PZP: variants seen among roughly 807,000 people sequenced by gnomAD.
PZP encodes pregnancy zone protein.
Under a neutral mutation model 179.8 loss-of-function variants are expected in PZP, and 150 were observed. The ratio of observed to expected loss-of-function variants is 0.83; its 90% CI spans 0.73 to 0.96. PZP has a LOEUF of 0.96. Among genes scored for constraint, PZP ranks in the 40% least tolerant of loss-of-function variants. The probability of loss-of-function intolerance (pLI) is 0.00; values close to 1 mark genes in which losing one functional copy is unlikely to be tolerated. For synonymous variants in PZP, 624 were observed against 652.3 expected, an observed-to-expected ratio of 0.96 and a Z score of 0.66; for missense variants, 1,689 against 1,764.0, an observed-to-expected ratio of 0.96 and a Z score of 0.76.
chr12:9,182,463 T>TG (rs1270649959), intron 13 of PZP, among the ~76,000 whole-genome samples: 1 of 152,190 alleles, frequency 6.6e-6, no homozygotes, highest in African/African-American at 2.4e-5. Flanking sequence ...AGACTAGAGG[T>TG]GATTCTCAAT....
In PZP at chr12:9,200,364, T is replaced by C; in HGVS notation, c.755A>G (p.Glu252Gly). Residue 252 changes from glutamate to glycine, a missense_variant and splice_region_variant, in exon 7 of 36, where the codon GAA becomes GGA. Around this residue, in one of 3 missense-constraint regions of PZP, gnomAD observed 742 missense variants for 730.5 expected, o/e 1.02. Transcript: ENST00000261336. ...TTTAGATAAAAACAATGTAACTCAC[T>C]CTCCACAGACTGTTATGTTCACTTT... is the stretch of plus-strand genomic sequence containing the variant. ...DEKVNITVCG[E>G]YTYGKPVPGL... 1 of 1,590,388 alleles carries C rather than the reference T, an allele frequency of 6.3e-7. No homozygotes were observed. Among genetic ancestry groups the C allele is most frequent in the Non-Finnish European group, 8.6e-7 (1 of 1,161,902 alleles).
chr12:9,191,481 CTG>C (rs1358623261), intron 13 of PZP, among the ~76,000 whole-genome samples: 1 of 151,822 alleles, frequency 6.6e-6, no homozygotes, highest in Non-Finnish European at 1.5e-5. Context: ...ATTTTCAAAA[CTG>C]AAAAATAAAA....
intron 15 of PZP, among the ~76,000 whole-genome samples, chr12:9,177,926 A>G (rs185621171): frequency 4.7e-4 from 71 of 152,356 alleles, no homozygotes; most frequent in African/African-American, 1.7e-3. Context: ...GTGTAAAAAT[A>G]TCAGGCATAT....
rs116229466 is a variant in PZP at position 9,168,265 on chromosome 12, C to T, written c.2107+604G>A. 6.8e-3 allele frequency among the ~76,000 whole-genome samples: 1,040 copies of T among 152,200 alleles called. 12 individuals carry two copies. The highest frequency in any genetic ancestry group is 0.024 in the African/African-American group (983 of 41,504). ...ACATATAGGATATCTGATTTCCAAT[C>T]CGAGCATATAAATATTTGTGAGCAG... On this transcript the variant is annotated intron_variant, in intron 17 of 35. Coordinates refer to ENST00000261336, the MANE Select transcript of PZP (RefSeq NM_002864.3).
At chr12:9,199,320 A>G (rs1839986292) in intron 7 of PZP, among the ~76,000 whole-genome samples, 2 of 152,120 alleles carry the variant, frequency 1.3e-5, no homozygotes, top group Non-Finnish European at 2.9e-5. Context: ...TTTTTAGTCC[A>G]TCGTATCAGC....
In PZP at chr12:9,202,582, T is replaced by G; in HGVS notation, c.370A>C (p.Thr124Pro). 6.2e-7 allele frequency: 1 copy of G among 1,614,146 alleles called. No homozygotes were observed. Among genetic ancestry groups the G allele is most frequent in the Non-Finnish European group, 8.5e-7 (1 of 1,180,006 alleles). Residue 124 changes from threonine (T) to proline (P), a missense_variant, in exon 3 of 36, where the codon ACC becomes CCC. Coordinates refer to ENST00000261336, the MANE Select transcript of PZP (RefSeq NM_002864.3). ...GTCTGGACAAAGACCAGACTTTGGG[T>G]GTTCAGTACCAGAACTGTGTTCCTC... ...RKRNTVLVLN[T>P]QSLVFVQTDK...
rs545285881 is a variant in PZP at position 9,162,032 on chromosome 12, G to A, written c.2788+565C>T. On this transcript the variant is annotated intron_variant, in intron 22 of 35. Transcript: ENST00000261336. ...GTTGGAGCGCAGTGGTGTGATTTCGGCTCACTGCAACCTCCCCCTGCCCGG... is the reference window on the plus strand; with the variant it reads ...GTTGGAGCGCAGTGGTGTGATTTCGACTCACTGCAACCTCCCCCTGCCCGG... 2.0e-3 allele frequency among the ~76,000 whole-genome samples: 300 copies of A among 152,160 alleles called. 2 individuals carry two copies. Among genetic ancestry groups the A allele is most frequent in the Non-Finnish European group, 3.4e-3 (233 of 68,000 alleles).
intron 8 of PZP, 56 bp from the exon 9 acceptor site, chr12:9,196,741 G>C: frequency 7.1e-7 from 1 of 1,407,408 alleles, no homozygotes; most frequent in Non-Finnish European, 1.0e-6. Context: ...AATAGTCACT[G>C]AATCTACTAT....
intron 10 of PZP, 55 bp downstream of exon 10, chr12:9,196,275 T>C: frequency 1.6e-6 from 2 of 1,247,676 alleles, no homozygotes; most frequent in Non-Finnish European, 1.2e-6. Context: ...CATTGTGTCC[T>C]GTGCTTAGGT....
chr12:9,178,896 A>G (rs188496703), intron 15 of PZP, among the ~76,000 whole-genome samples: 1 of 152,210 alleles, frequency 6.6e-6, no homozygotes, highest in African/African-American at 2.4e-5. Context: ...GGTCTCAGAT[A>G]TAGTTATCTC....
At chr12:9,150,080 A>T (rs1940232750) in intron 34 of PZP, among the ~76,000 whole-genome samples, 1 of 152,020 alleles carries the variant, frequency 6.6e-6, no homozygotes, top group Non-Finnish European at 1.5e-5. Flanking sequence ...TGCCTCTCAA[A>T]CTTATTGCTT....
intron 24 of PZP, 74 bp downstream of exon 24, chr12:9,160,240 G>T: frequency 1.5e-6 from 2 of 1,352,184 alleles, no homozygotes; most frequent in Non-Finnish European, 2.0e-6. Context: ...GTTAATATTT[G>T]ATGATATAAC....
In PZP at chr12:9,204,156, T is replaced by C. The variant is rs776711432; in HGVS notation, c.84-205A>G. 3.3e-5 allele frequency among the ~76,000 whole-genome samples: 5 copies of C among 152,330 alleles called. No individual in the cohort carries two copies. The East Asian group carries it at 9.6e-4, about 29-fold the overall frequency. Reference sequence around the variant, plus strand: ...TCAGCCATGCCTCAGCCACACAATCTGGAGCCATACAACACTGGAGATTGC... The same window carrying C: ...TCAGCCATGCCTCAGCCACACAATCCGGAGCCATACAACACTGGAGATTGC... On this transcript the variant is annotated intron_variant, in intron 1 of 35. Coordinates refer to ENST00000261336, the MANE Select transcript of PZP (RefSeq NM_002864.3).
chr12:9,172,724 C>G (rs1592493458), intron 15 of PZP, among the ~76,000 whole-genome samples: 1 of 152,086 alleles, frequency 6.6e-6, no homozygotes, highest in Non-Finnish European at 1.5e-5. Flanking sequence ...ATCAAACAAA[C>G]AAAGAAGGGT....
chr12:9,167,196 A>G (rs1238728309), intron 17 of PZP: 1 of 152,168 alleles, frequency 6.6e-6, no homozygotes, highest in Non-Finnish European at 1.5e-5. Context: ...ATGCACCTAA[A>G]TGAACTATTT....
At chr12:9,203,651 T>C in intron 2 of PZP, 117 bp downstream of exon 2, 1 of 1,287,798 alleles carries the variant, frequency 7.8e-7, no homozygotes, top group Non-Finnish European at 1.1e-6. Context: ...CCTGAAGTCC[T>C]AACTACATTC....
intron 1 of PZP, among the ~76,000 whole-genome samples, chr12:9,204,578 A>G (rs939034603): frequency 6.6e-6 from 1 of 152,186 alleles, no homozygotes; most frequent in African/African-American, 2.4e-5. Context: ...GTCAAAGTCA[A>G]TATTTTATCA....
intron 31 of PZP, 55 bp downstream of exon 31, chr12:9,152,769 T>A (rs1321429801): frequency 6.4e-7 from 1 of 1,571,574 alleles, no homozygotes; most frequent in Admixed American, 1.8e-5. Flanking sequence ...TTAATTTCTG[T>A]TAATTCCAAG....
At chr12:9,182,215 T>A in intron 13 of PZP, 98 bp from the exon 14 acceptor site, 1 of 1,160,682 alleles carries the variant, frequency 8.6e-7, no homozygotes, top group Non-Finnish European at 1.2e-6. Flanking sequence ...CTTATCCACT[T>A]GAGAACTGCG....
Sources: gnomAD v4.1 joint callset for allele counts (sites outside exome capture counted in the v4.1 genomes callset) on GRCh38, gnomAD v4.1.1 for gene constraint, gnomAD v4.1.1 regional missense constraint, MANE v1.5 for transcripts, NCBI Gene and HGNC (gene_info 2026-07-23, HGNC 2026-07-21) for gene names.